DSCAM: variants seen among roughly 807,000 people sequenced by gnomAD.
DSCAM encodes cell adhesion molecule DSCAM.
DSCAM carries 47 observed loss-of-function variants against 217.7 expected under a neutral mutation model. The observed-to-expected ratio is 0.22, with a 90% confidence interval of 0.17 to 0.28. The LOEUF (loss-of-function observed/expected upper bound fraction) is 0.28. Ranked by LOEUF, DSCAM falls within the 10% of genes least tolerant of loss-of-function variation. The pLI, the probability that DSCAM is intolerant of heterozygous loss-of-function variation, is 1.00. For missense variants in DSCAM, 2,080 were observed against 2,618.3 expected, an observed-to-expected ratio of 0.79 and a Z score of 4.49; for synonymous variants, 1,056 against 1,015.3, an observed-to-expected ratio of 1.04 and a Z score of -0.76.
At chr21:40,501,957 T>C (rs1333133492) in intron 3 of DSCAM, among the ~76,000 whole-genome samples, 1 of 152,180 alleles carries the variant, frequency 6.6e-6, no homozygotes, top group Non-Finnish European at 1.5e-5. Flanking sequence ...ATTGTATATA[T>C]CTTGAAGAAC....
chr21:40,422,405 A>G, intron 3 of DSCAM, among the ~76,000 whole-genome samples: 1 of 152,090 alleles, frequency 6.6e-6, no homozygotes, highest in East Asian at 1.9e-4. Context: ...GGAGGTGAGC[A>G]GATCACTTGA....
At chr21:40,484,177 C>T (rs1418031321) in intron 3 of DSCAM, among the ~76,000 whole-genome samples, 1 of 152,162 alleles carries the variant, frequency 6.6e-6, no homozygotes, top group African/African-American at 2.4e-5. Context: ...ATGGGTCTGT[C>T]CAGAGGCTTC....
At chr21:40,573,199 G>A (rs979062162) in intron 3 of DSCAM, among the ~76,000 whole-genome samples, 1 of 152,088 alleles carries the variant, frequency 6.6e-6, no homozygotes, top group African/African-American at 2.4e-5. Context: ...TTAGCCGGGC[G>A]CGGTGGCGGG....
chr21:40,348,286 C>CAATCACA (rs59041470), intron 5 of DSCAM, among the ~76,000 whole-genome samples: 18 of 58,050 alleles, frequency 3.1e-4, no homozygotes, highest in South Asian at 9.6e-4. Flanking sequence ...GCAATCATAC[C>CAATCACA]CCAGAGAGTT....
At chr21:40,117,995 A>T (rs1436831980) in intron 20 of DSCAM, among the ~76,000 whole-genome samples, 1 of 152,190 alleles carries the variant, frequency 6.6e-6, no homozygotes, top group Non-Finnish European at 1.5e-5. Flanking sequence ...ACAAATGCAG[A>T]CACATATGAG....
At chr21:40,588,684 A>C (rs984379783) in intron 3 of DSCAM, among the ~76,000 whole-genome samples, 1 of 152,194 alleles carries the variant, frequency 6.6e-6, no homozygotes, top group Non-Finnish European at 1.5e-5. Context: ...TGAAGATTCT[A>C]GTTTTTCATT....
intron 1 of DSCAM, among the ~76,000 whole-genome samples, chr21:40,813,788 AG>A (rs1046798243): frequency 1.8e-4 from 28 of 151,776 alleles, no homozygotes; most frequent in African/African-American, 6.3e-4. Context: ...CTGGGATTAC[AG>A]GTTCCCGCCA....
At chr21:40,306,902 TC>T in intron 9 of DSCAM, among the ~76,000 whole-genome samples, 1 of 152,066 alleles carries the variant, frequency 6.6e-6, no homozygotes, top group Non-Finnish European at 1.5e-5. Context: ...TCTAAAATTC[TC>T]TTTTTTGGTT....
intron 1 of DSCAM, among the ~76,000 whole-genome samples, chr21:40,766,596 C>G (rs910620145): frequency 1.5e-4 from 23 of 148,950 alleles, no homozygotes; most frequent in South Asian, 6.4e-4. Flanking sequence ...AAAGCCTCAC[C>G]CAACTGACAG....
rs1452114333 is a variant in DSCAM, at chr21:40,035,883, A to T, written c.5686+6488T>A. On this transcript the variant is annotated intron_variant, in intron 32 of 32. Coordinates refer to ENST00000400454, the MANE Select transcript of DSCAM (RefSeq NM_001389.5). ...ATCTCACTCAAAACCGCTCAACTACATGGAAACTGAACAACCTGCTCCTGA... is the reference window on the plus strand; with the variant it reads ...ATCTCACTCAAAACCGCTCAACTACTTGGAAACTGAACAACCTGCTCCTGA... Among the ~76,000 whole-genome samples, 2 of 148,148 alleles carry T rather than the reference A, an allele frequency of 1.3e-5. 1 individual carries two copies. The highest frequency in any genetic ancestry group is 2.9e-5 in the Non-Finnish European group (2 of 67,850).
At chr21:40,588,827 T>G (rs1180993678) in intron 3 of DSCAM, among the ~76,000 whole-genome samples, 1 of 152,180 alleles carries the variant, frequency 6.6e-6, no homozygotes, top group Non-Finnish European at 1.5e-5. Flanking sequence ...CAAAGGGAAT[T>G]ATGTTGACAG....
chr21:40,100,886 GTCA>G (rs1370573737), intron 20 of DSCAM, among the ~76,000 whole-genome samples: 4 of 152,158 alleles, frequency 2.6e-5, no homozygotes, highest in Admixed American at 6.6e-5. Flanking sequence ...AGACGTGTCA[GTCA>G]TCCTAGATTT....
chr21:40,726,720 G>A (rs2090959108), intron 1 of DSCAM, among the ~76,000 whole-genome samples: 1 of 152,114 alleles, frequency 6.6e-6, no homozygotes, highest in South Asian at 2.1e-4. Context: ...TTGAATGTTT[G>A]CCCCCACTCG....
intron 3 of DSCAM, among the ~76,000 whole-genome samples, chr21:40,414,111 GA>G (rs1447197489): frequency 6.6e-6 from 1 of 151,968 alleles, no homozygotes; most frequent in African/African-American, 2.4e-5. Flanking sequence ...AGCTATAAAA[GA>G]AAAAATATTT....
chr21:40,614,922 C>G (rs1018566976), intron 3 of DSCAM, among the ~76,000 whole-genome samples: 1 of 151,882 alleles, frequency 6.6e-6, no homozygotes, highest in Non-Finnish European at 1.5e-5. Flanking sequence ...ACTTATGCCA[C>G]ATGTATAAAT....
intron 3 of DSCAM, among the ~76,000 whole-genome samples, chr21:40,429,443 T>A (rs868210224): frequency 2.0e-5 from 3 of 152,040 alleles, no homozygotes; most frequent in Non-Finnish European, 4.4e-5. Context: ...ATTTTTTGTA[T>A]TTTTAGTAGA....
intron 20 of DSCAM, among the ~76,000 whole-genome samples, chr21:40,100,426 A>G (rs1226528471): frequency 6.6e-6 from 1 of 152,184 alleles, no homozygotes; most frequent in Non-Finnish European, 1.5e-5. Flanking sequence ...GACTATATTT[A>G]TATTTCATTA....
At chr21:40,397,634 T>C (rs900928612) in intron 3 of DSCAM, among the ~76,000 whole-genome samples, 1 of 152,156 alleles carries the variant, frequency 6.6e-6, no homozygotes, top group South Asian at 2.1e-4. Context: ...GGCATTCATG[T>C]GGCGAGCAGT....
At chr21:40,674,622 T>G (rs1375218106) in intron 3 of DSCAM, among the ~76,000 whole-genome samples, 1 of 101,436 alleles carries the variant, frequency 9.9e-6, no homozygotes, top group Non-Finnish European at 1.9e-5. Context: ...TTCTTTTTCT[T>G]TTTCTTTTTC....
Sources: gnomAD v4.1 joint callset for allele counts (sites outside exome capture counted in the v4.1 genomes callset) on GRCh38, gnomAD v4.1.1 for gene constraint, MANE v1.5 for transcripts, NCBI Gene and HGNC (gene_info 2026-07-23, HGNC 2026-07-21) for gene names.